CSTF2: variants seen among roughly 807,000 people sequenced by gnomAD.
CSTF2 encodes the protein cleavage stimulation factor subunit 2, also known as CF-1 64 kDa subunit.
In CSTF2, 8 loss-of-function variants were observed where a neutral mutation model predicts 45.4. That is an observed-to-expected ratio of 0.18 (90% CI 0.10 to 0.32). The LOEUF (loss-of-function observed/expected upper bound fraction) is 0.32. CSTF2 is among the 10% of genes least tolerant of loss of function. The pLI is 1.00. For missense variants in CSTF2, 253 were observed against 477.1 expected, an observed-to-expected ratio of 0.53 and a Z score of 4.38; for synonymous variants, 155 against 158.9, an observed-to-expected ratio of 0.98 and a Z score of 0.18.
At chrX:100,838,027 CT>C (rs1336102670) in intron 12 of CSTF2, among the ~76,000 whole-genome samples, 1 of 111,023 alleles carries the variant, frequency 9.0e-6, no homozygotes, top group East Asian at 2.8e-4. Context: ...TTCATTGTAC[CT>C]TTTCTCACCA....
chrX:100,834,224 C>G (rs1351353081), intron 11 of CSTF2, among the ~76,000 whole-genome samples: 2 of 111,422 alleles, frequency 1.8e-5, no homozygotes, highest in Non-Finnish European at 3.8e-5. Flanking sequence ...TTCCTTTTCC[C>G]CCCTTCCTCT....
intron 6 of CSTF2, 103 bp downstream of exon 6, chrX:100,824,360 A>C: frequency 2.2e-6 from 2 of 918,440 alleles, no homozygotes; most frequent in Non-Finnish European, 2.9e-6. Flanking sequence ...CAGAGATGAT[A>C]ATTTCAATTT....
chrX:100,827,834 A>G (rs2084953118), intron 7 of CSTF2, among the ~76,000 whole-genome samples: 1 of 112,417 alleles, frequency 8.9e-6, no homozygotes, highest in Admixed American at 9.4e-5. Flanking sequence ...TATTGAACTC[A>G]CTATTCTGTC....
intron 7 of CSTF2, 135 bp from the exon 8 acceptor site, chrX:100,827,905 A>G: frequency 2.4e-6 from 1 of 423,335 alleles, no homozygotes. Flanking sequence ...CTCTCATTGC[A>G]TTGTTGAATA....
At chrX:100,821,735 G>T in intron 2 of CSTF2, 130 bp downstream of exon 2, 1 of 475,299 alleles carries the variant, frequency 2.1e-6, no homozygotes, top group Non-Finnish European at 3.7e-6. Flanking sequence ...CAGCTTTATT[G>T]AGATATAATT....
At chrX:100,822,510 G>A in intron 3 of CSTF2, 90 bp downstream of exon 3, 1 of 949,138 alleles carries the variant, frequency 1.1e-6, no homozygotes, top group Non-Finnish European at 1.5e-6. Context: ...AGAATATGCT[G>A]AAATGGTTAG....
intron 6 of CSTF2, among the ~76,000 whole-genome samples, chrX:100,826,132 A>G (rs979994675): frequency 5.4e-5 from 6 of 111,043 alleles, no homozygotes; most frequent in South Asian, 3.8e-4. Context: ...TTAAAAAAAT[A>G]TATTTCACAT....
chrX:100,828,057 G>A lies in CSTF2; in HGVS notation c.844G>A (p.Val282Ile). 8.3e-7 allele frequency: 1 copy of A among 1,207,870 alleles called. No individual in the cohort carries two copies. Among genetic ancestry groups the A allele is most frequent in the Non-Finnish European group, 1.1e-6 (1 of 893,501 alleles). Residue 282 changes from valine (V) to isoleucine (I), a missense_variant, in exon 8 of 14, where the codon GTT (valine) becomes ATT (isoleucine). Physicochemically the swap from Val to Ile is conservative, Grantham distance 29 (BLOSUM62 3). Coordinates refer to ENST00000372972, the MANE Select transcript of CSTF2 (RefSeq NM_001325.3). The stretch of plus-strand genomic sequence containing the variant: ...TCTTCTAGGAGGAATGCAGGCTCAG[G>A]TTGGAATGCCAGGAAGTGGACCAGT... Reference protein sequence around the residue: ...LAPGGGMQAQVGMPGSGPVSM... With the variant: ...LAPGGGMQAQIGMPGSGPVSM...
In CSTF2 at chrX:100,822,263, TAGAG is replaced by T; in HGVS notation, c.154_157del (p.Glu52GlnfsTer25). The T allele has an allele frequency of 8.3e-7, 1 of 1,209,867 alleles. No individual in the cohort carries two copies. Among genetic ancestry groups the T allele is most frequent in the Non-Finnish European group, 1.1e-6 (1 of 894,324 alleles). ...TTCTGCTCTCCAGATTGGTATACGA[TAGAG>T]AGACAGGAAAGCCAAAGGGTTATGG... is the stretch of plus-strand genomic sequence containing the variant. On this transcript the variant is annotated frameshift_variant, in exon 3 of 14. Coordinates refer to ENST00000372972, the MANE Select transcript of CSTF2 (RefSeq NM_001325.3). LOFTEE classifies it high-confidence loss of function.
In CSTF2 at chrX:100,826,204, A is replaced by C. The variant is rs193083689; in HGVS notation, c.703-430A>C. ...GAGAAAAGATTGGTTAAATTAAAAA[A>C]AAAATTTAATTTTAAAAATGTGGAC... On this transcript the variant is annotated intron_variant, in intron 6 of 13. Transcript: ENST00000372972. Among the ~76,000 whole-genome samples the C allele has an allele frequency of 2.1e-3, 230 of 111,052 alleles. 1 individual carries two copies. Among genetic ancestry groups the C allele is most frequent in the African/African-American group, 7.0e-3 (214 of 30,592 alleles).
Position 100,831,603 on chromosome X carries a change from G to A in CSTF2, c.978G>A (p.Pro326=), listed in dbSNP as rs377542615. ...PTPRGLLGDA[P]NDPRGGTLLS... ...CTCGAGGCTTGTTAGGAGATGCTCC[G>A]AATGATCCACGGGGAGGCACTTTAC... Residue 326 remains proline, a synonymous_variant, in exon 9 of 14, where the codon CCG becomes CCA. Transcript: ENST00000372972. 19 of 1,209,692 alleles carry A rather than the reference G, an allele frequency of 1.6e-5. No homozygotes were observed. The South Asian group carries it at 1.8e-4, about 11-fold the overall frequency.
intron 2 of CSTF2, 116 bp downstream of exon 2, chrX:100,821,721 G>T: frequency 2.0e-6 from 1 of 495,592 alleles, no homozygotes; most frequent in Non-Finnish European, 3.5e-6. Context: ...TTTTGTTCTT[G>T]TAACAGCTTT....
intron 3 of CSTF2, chrX:100,822,705 A>C (rs1014020930): frequency 2.9e-6 from 1 of 345,204 alleles, no homozygotes; most frequent in African/African-American, 2.6e-5. Context: ...CAAGCACTGT[A>C]GGGATGCATA....
intron 9 of CSTF2, among the ~76,000 whole-genome samples, chrX:100,832,394 TTAAA>T (rs2084981106): frequency 8.9e-6 from 1 of 111,861 alleles, no homozygotes; most frequent in Non-Finnish European, 1.9e-5. Context: ...TGTGGAAAAG[TTAAA>T]TAATGTGTCC....
intron 3 of CSTF2, chrX:100,822,841 CA>C (rs35086838): frequency 5.3e-3 from 312 of 58,732 alleles, no homozygotes; most frequent in South Asian, 0.015. Flanking sequence ...GACTCTGTCT[CA>C]AAAAAAAAAA....
chrX:100,821,129 A>G (rs1027595447), intron 1 of CSTF2, among the ~76,000 whole-genome samples: 1 of 112,929 alleles, frequency 8.9e-6, no homozygotes, highest in East Asian at 2.8e-4. Context: ...ATCTTTCACT[A>G]CATTCATCGT....
chrX:100,832,270 G>A (rs903291544), intron 9 of CSTF2, among the ~76,000 whole-genome samples: 2 of 111,765 alleles, frequency 1.8e-5, no homozygotes, highest in Admixed American at 1.9e-4. Context: ...GACATTAATG[G>A]GGATCATGCC....
intron 7 of CSTF2, 104 bp downstream of exon 7, chrX:100,826,861 A>T: frequency 1.3e-6 from 1 of 783,767 alleles, no homozygotes; most frequent in Admixed American, 3.3e-5. Flanking sequence ...AGGTAAAATT[A>T]ATACACAGCT....
intron 13 of CSTF2, among the ~76,000 whole-genome samples, chrX:100,838,709 C>T (rs1227524824): frequency 2.7e-5 from 3 of 111,939 alleles, no homozygotes; most frequent in Non-Finnish European, 5.6e-5. Context: ...GGTGTGTATC[C>T]TTCTACAATC....
Sources: gnomAD v4.1 joint callset for allele counts (sites outside exome capture counted in the v4.1 genomes callset) on GRCh38, gnomAD v4.1.1 for gene constraint, MANE v1.5 for transcripts, NCBI Gene and HGNC (gene_info 2026-07-23, HGNC 2026-07-21) for gene names.